Variants in ABHD16A observed in about 807,000 individuals in gnomAD.
ABHD16A encodes the protein abhydrolase domain containing 16A, phospholipase.
ABHD16A carries 47 observed loss-of-function variants against 89.8 expected under a neutral mutation model. The observed-to-expected ratio is 0.52, with a 90% confidence interval of 0.41 to 0.67. ABHD16A has a LOEUF of 0.67. Ranked by LOEUF, ABHD16A falls within the 30% of genes least tolerant of loss-of-function variation. The pLI, the probability that ABHD16A is intolerant of heterozygous loss-of-function variation, is 0.00. For synonymous variants in ABHD16A, 251 were observed against 280.4 expected, an observed-to-expected ratio of 0.90 and a Z score of 1.05; for missense variants, 580 against 734.6, an observed-to-expected ratio of 0.79 and a Z score of 2.43.
At chr6:31,700,394 GATTACAGGC>G (rs1804841242) in intron 4 of ABHD16A, among the ~76,000 whole-genome samples, 1 of 152,128 alleles carries the variant, frequency 6.6e-6, no homozygotes, top group Non-Finnish European at 1.5e-5. Context: ...AAAGTGCTGG[GATTACAGGC>G]ATGAGCCACC....
At chr6:31,700,007 C>T (rs112897655) in intron 4 of ABHD16A, among the ~76,000 whole-genome samples, 296 of 152,258 alleles carry the variant, frequency 1.9e-3, no homozygotes, top group African/African-American at 6.8e-3. Context: ...TTCAGCCTAC[C>T]AAACTGCTAG....
In ABHD16A at chr6:31,698,830, G is replaced by A. The variant is rs577246897; in HGVS notation, c.344-1797C>T. On this transcript the variant is annotated intron_variant, in intron 4 of 19. Coordinates refer to ENST00000395952, the MANE Select transcript of ABHD16A (RefSeq NM_021160.3). This position sits in a 1 kb window ranked among gnomAD's most constrained non-coding sequence, Gnocchi z 4.1. The stretch of plus-strand genomic sequence containing the variant: ...GGCAGAAGGTCCTGGACCCAACTGC[G>A]ACCATCCAGCCCTGACCCCACCACC... 1.3e-5 allele frequency among the ~76,000 whole-genome samples: 2 copies of A among 152,080 alleles called. No individual in the cohort carries two copies. The highest frequency in any genetic ancestry group is 2.1e-4 in the South Asian group (1 of 4,804).
At position 31,687,435 on chromosome 6, in the gene ABHD16A, C is replaced by T; in HGVS notation, c.1593+63G>A. 6.2e-7 allele frequency: 1 copy of T among 1,608,500 alleles called. No individual in the cohort carries two copies. Among genetic ancestry groups the T allele is most frequent in the Non-Finnish European group, 8.5e-7 (1 of 1,175,810 alleles). ...ACTTCCAATGCTTATAGGGTATCCC[C>T]AGTCCCCCTATGTGAGCCCTGGCCA... On this transcript the variant is annotated intron_variant, in intron 19 of 19. Transcript: ENST00000395952. This position sits in a 1 kb window ranked among gnomAD's most constrained non-coding sequence, Gnocchi z 6.3.
At chr6:31,701,223 T>C in intron 3 of ABHD16A, 51 bp downstream of exon 3, 1 of 1,556,572 alleles carries the variant, frequency 6.4e-7, no homozygotes. Flanking sequence ...CTGGCTCATC[T>C]GCCAACAACC....
In ABHD16A at chr6:31,693,221, A is replaced by T. The variant is rs897714177; in HGVS notation, c.504-72T>A. 105 of 1,590,212 alleles carry T rather than the reference A, an allele frequency of 6.6e-5. No homozygotes were observed. The highest frequency in any genetic ancestry group is 8.5e-5 in the Non-Finnish European group (99 of 1,165,458). Reference sequence around the variant, plus strand: ...GCTGGATGTCTGAGGTCTGGAGAACAGTGGGGTCTAGGAACGACATAATGG... The same window carrying T: ...GCTGGATGTCTGAGGTCTGGAGAACTGTGGGGTCTAGGAACGACATAATGG... On this transcript the variant is annotated intron_variant, in intron 6 of 19. Transcript: ENST00000395952. This position sits in a 1 kb window ranked among gnomAD's most constrained non-coding sequence, Gnocchi z 5.0.
intron 4 of ABHD16A, among the ~76,000 whole-genome samples, chr6:31,697,679 C>G (rs971085845): frequency 6.6e-6 from 1 of 152,198 alleles, no homozygotes; most frequent in Non-Finnish European, 1.5e-5. Flanking sequence ...CTTTCTGAAG[C>G]AGAAGCAACT....
chr6:31,690,442 C>A lies in ABHD16A; in HGVS notation c.907+97G>T. On this transcript the variant is annotated intron_variant, in intron 10 of 19. Coordinates refer to ENST00000395952, the MANE Select transcript of ABHD16A (RefSeq NM_021160.3). This position sits in a 1 kb window ranked among gnomAD's most constrained non-coding sequence, Gnocchi z 4.1. The stretch of plus-strand genomic sequence containing the variant: ...AAGCTGAGAGACTCAAAACCTCACC[C>A]AGAGAAAGCAGAGGCCAGGGGAGGT... 1 of 1,342,544 alleles carries A rather than the reference C, an allele frequency of 7.4e-7. No homozygotes were observed. Among genetic ancestry groups the A allele is most frequent in the South Asian group, 1.2e-5 (1 of 84,648 alleles). 83.2% of individuals were successfully genotyped at this position (1,342,544 alleles called of 1,614,324 possible).
In ABHD16A at chr6:31,689,671, T is replaced by C. The variant is rs145780312; in HGVS notation, c.991A>G (p.Met331Val). 4.3e-6 allele frequency: 7 copies of C among 1,612,606 alleles called. No homozygotes were observed. The highest frequency in any genetic ancestry group is 4.2e-6 in the Non-Finnish European group (5 of 1,179,786). The change falls in exon 12 of 20, where the codon ATG (methionine) becomes GTG (valine). Residue 331 changes from methionine (M) to valine (V), a missense_variant. By Grantham distance (21) the Met-to-Val change is conservative. This residue lies in a region of ABHD16A where 415 missense variants were observed against 568.8 expected (regional missense o/e 0.73). Transcript: ENST00000395952. ...ATGGCAAACTGGACCACCACATCCA[T>C]GGCATTAGCCTCATTCTGCGGGAAT... is the stretch of plus-strand genomic sequence containing the variant. ...VPFPQNEANAMDVVVQFAIHR... is the reference protein window; with the variant it reads ...VPFPQNEANAVDVVVQFAIHR...
Position 31,693,071 on chromosome 6 carries a change from G to A in ABHD16A, c.582C>T (p.Asp194=), listed in dbSNP as rs11552114. 0.014 allele frequency: 22,953 copies of A among 1,614,166 alleles called. 378 individuals are homozygous for A. The highest frequency in any genetic ancestry group is 0.036 in the Admixed American group (2,179 of 60,020). Residue 194 remains aspartate, a synonymous_variant, in exon 7 of 20, where the codon GAC becomes GAT. Transcript: ENST00000395952. This position sits in a 1 kb window ranked among gnomAD's most constrained non-coding sequence, Gnocchi z 5.0. ...GCTTCTTAACCCGGTTGAGGAGGGTGTCTGCTGTCCCCCGGTGCAGGGGCT... is the reference window on the plus strand; with the variant it reads ...GCTTCTTAACCCGGTTGAGGAGGGTATCTGCTGTCCCCCGGTGCAGGGGCT... ...RPEPLHRGTA[D]TLLNRVKKLP...
In ABHD16A at chr6:31,687,795, G is replaced by A. The variant is rs762820889; in HGVS notation, c.1447+29C>T. On this transcript the variant is annotated intron_variant, in intron 17 of 19. Transcript: ENST00000395952. The surrounding 1 kb of genome is among the most constrained non-coding windows in gnomAD (Gnocchi z 6.3). ...AGCAACCTGACCTTGCTGGGCCCCCGCCCCAAGCCTCACTGGATCCCTTCT... is the reference window on the plus strand; with the variant it reads ...AGCAACCTGACCTTGCTGGGCCCCCACCCCAAGCCTCACTGGATCCCTTCT... The A allele has an allele frequency of 2.4e-5, 38 of 1,612,674 alleles. No homozygotes were observed. Among genetic ancestry groups the A allele is most frequent in the African/African-American group, 5.3e-5 (4 of 74,894 alleles).
At chr6:31,702,616 A>C in intron 1 of ABHD16A, 1 of 1,484,512 alleles carries the variant, frequency 6.7e-7, no homozygotes. Flanking sequence ...GCCTACCACC[A>C]CCCGCCAGCT....
At position 31,703,234 on chromosome 6, in the gene ABHD16A, G is replaced by C; in HGVS notation, c.48C>G (p.Ile16Met). ...CCCTTTCAGAGTCCCTCTCCCGGTA[G>C]ATTTTGTAGAGCCGGGGGCCTAGGA... ...SCVLGPRLYK[I>M]YRERDSERAP... The change falls in exon 1 of 20, where the codon ATC becomes ATG. Residue 16 changes from isoleucine to methionine, a missense_variant. Ile to Met is a conservative substitution (Grantham distance 10). Coordinates refer to ENST00000395952, the MANE Select transcript of ABHD16A (RefSeq NM_021160.3). The C allele has an allele frequency of 1.4e-6, 2 of 1,438,488 alleles. No homozygotes were observed. Among genetic ancestry groups the C allele is most frequent in the Non-Finnish European group, 1.8e-6 (2 of 1,085,592 alleles). The allele number at this position is 1,438,488 out of a possible 1,614,324, so 89.1% of individuals were successfully genotyped here.
Position 31,690,654 on chromosome 6 carries a change from A to G in ABHD16A, c.844-52T>C. ...TGGGGGGCCAAGTTGGGACTGAAAAACTCCCTTTGGGCAGGGAGGGCAGCC... is the reference window on the plus strand; with the variant it reads ...TGGGGGGCCAAGTTGGGACTGAAAAGCTCCCTTTGGGCAGGGAGGGCAGCC... On this transcript the variant is annotated intron_variant, in intron 9 of 19. Coordinates refer to ENST00000395952, the MANE Select transcript of ABHD16A (RefSeq NM_021160.3). This position sits in a 1 kb window ranked among gnomAD's most constrained non-coding sequence, Gnocchi z 4.1. 1 of 1,569,302 alleles carries G rather than the reference A, an allele frequency of 6.4e-7. No individual in the cohort carries two copies. Among genetic ancestry groups the G allele is most frequent in the African/African-American group, 1.4e-5 (1 of 73,588 alleles).
At chr6:31,699,824 A>G (rs1401562279) in intron 4 of ABHD16A, among the ~76,000 whole-genome samples, 1 of 151,918 alleles carries the variant, frequency 6.6e-6, no homozygotes, top group Non-Finnish European at 1.5e-5. Flanking sequence ...GCTCACTGCA[A>G]CCTCTGCCTC....
At position 31,690,568 on chromosome 6, in the gene ABHD16A, T is replaced by G; in HGVS notation, c.878A>C (p.Glu293Ala). The G allele has an allele frequency of 6.2e-7, 1 of 1,612,784 alleles. No individual in the cohort carries two copies. Among genetic ancestry groups the G allele is most frequent in the Non-Finnish European group, 8.5e-7 (1 of 1,179,970 alleles). ...CAGGGGCGTGGAGACGCAGCCCACC[T>G]CATAAAACCCAGCATTCCCCTCACA... is the stretch of plus-strand genomic sequence containing the variant. ...ICCEGNAGFY[E>A]VGCVSTPLEA... The change falls in exon 10 of 20, where the codon GAG becomes GCG. Residue 293 changes from glutamate to alanine, a missense_variant. This residue lies in a region of ABHD16A where 415 missense variants were observed against 568.8 expected (regional missense o/e 0.73). Coordinates refer to ENST00000395952, the MANE Select transcript of ABHD16A (RefSeq NM_021160.3). The surrounding 1 kb of genome is among the most constrained non-coding windows in gnomAD (Gnocchi z 4.1).
At chr6:31,699,310 G>GC (rs1420566910) in intron 4 of ABHD16A, among the ~76,000 whole-genome samples, 2 of 149,540 alleles carry the variant, frequency 1.3e-5, no homozygotes, top group South Asian at 2.1e-4. Context: ...TCGGGAGGCT[G>GC]AAGCAGGAGA....
At chr6:31,699,953 G>C (rs546763145) in intron 4 of ABHD16A, among the ~76,000 whole-genome samples, 93 of 151,934 alleles carry the variant, frequency 6.1e-4, no homozygotes, top group Non-Finnish European at 7.4e-4. Flanking sequence ...TCACCATGTT[G>C]GACAGACTGG....
At position 31,687,380 on chromosome 6, in the gene ABHD16A, G is replaced by C. The variant is rs907150742; in HGVS notation, c.1594-85C>G. On this transcript the variant is annotated intron_variant, in intron 19 of 19. Transcript: ENST00000395952. The surrounding 1 kb of genome is among the most constrained non-coding windows in gnomAD (Gnocchi z 6.3). ...GACTCCCTCCCCACCCTCCACTTCC[G>C]CATCCACCACCCACTCTACAAAAGC... 5.0e-6 allele frequency: 8 copies of C among 1,593,016 alleles called. No homozygotes were observed. The highest frequency in any genetic ancestry group is 6.0e-6 in the Non-Finnish European group (7 of 1,162,532).
rs1364686747 is a variant in ABHD16A at position 31,689,105 on chromosome 6, T to C, written c.1096A>G (p.Met366Val). 6.2e-6 allele frequency: 10 copies of C among 1,613,910 alleles called. No individual in the cohort carries two copies. Among genetic ancestry groups the C allele is most frequent in the Non-Finnish European group, 8.5e-6 (10 of 1,179,894 alleles). The change falls in exon 13 of 20, where the codon ATG (methionine) becomes GTG (valine). Residue 366 changes from methionine to valine, a missense_variant. Met to Val is a conservative substitution (Grantham distance 21). Coordinates refer to ENST00000395952, the MANE Select transcript of ABHD16A (RefSeq NM_021160.3). ...IGGFTATWAA[M>V]SYPDVSAMIL... ...ATGGCACTAACATCTGGGTAGGACA[T>C]GGCTGCCCACGTGGCTGGTACCAGG... is the stretch of plus-strand genomic sequence containing the variant.
Sources: gnomAD v4.1 joint callset for allele counts (sites outside exome capture counted in the v4.1 genomes callset) on GRCh38, gnomAD v4.1.1 for gene constraint, gnomAD v4.1.1 regional missense constraint, Gnocchi (gnomAD v3.1) non-coding constraint, MANE v1.5 for transcripts, NCBI Gene and HGNC (gene_info 2026-07-23, HGNC 2026-07-21) for gene names.